Variants in DKK2 observed in about 807,000 individuals in gnomAD.
DKK2 encodes the protein dickkopf Wnt signaling pathway inhibitor 2.
A neutral mutation model predicts 28.1 loss-of-function variants in DKK2; 11 were observed. That is an observed-to-expected ratio of 0.39 (90% CI 0.25 to 0.65). The LOEUF is 0.65. Ranked by LOEUF, DKK2 falls within the 30% of genes least tolerant of loss-of-function variation. The pLI is 0.47. For missense variants in DKK2, 326 were observed against 335.5 expected (o/e 0.97, Z 0.22); for synonymous variants, 135 against 126.5 (o/e 1.07, Z -0.45).
Position 107,035,633 on chromosome 4 carries a change from G to A in DKK2, c.-42C>T, listed in dbSNP as rs927486128. 2 of 1,604,570 alleles carry A rather than the reference G, an allele frequency of 1.2e-6. No individual in the cohort carries two copies. Among genetic ancestry groups the A allele is most frequent in the Non-Finnish European group, 1.7e-6 (2 of 1,175,722 alleles). On this transcript the variant is annotated 5_prime_UTR_variant, in exon 1 of 4. Coordinates refer to ENST00000285311, the MANE Select transcript of DKK2 (RefSeq NM_014421.3). ...CCCCAGGAAGACGCAAAGCCCGGAG[G>A]GGTGGGAATGCAAAGGGAGGGAGGA...
intron 1 of DKK2, among the ~76,000 whole-genome samples, chr4:106,937,305 G>C (rs1724606330): frequency 7.3e-6 from 1 of 136,136 alleles, no homozygotes; most frequent in Non-Finnish European, 1.6e-5. Flanking sequence ...AAAAAAGGCA[G>C]GGGTTGCAAT....
At chr4:107,031,563 A>G (rs948473309) in intron 1 of DKK2, among the ~76,000 whole-genome samples, 2 of 152,040 alleles carry the variant, frequency 1.3e-5, no homozygotes, top group East Asian at 1.9e-4. Flanking sequence ...TCAGAAAATC[A>G]TAGAATCTGA....
chr4:107,030,728 A>G (rs1453205014), intron 1 of DKK2, among the ~76,000 whole-genome samples: 1 of 152,058 alleles, frequency 6.6e-6, no homozygotes, highest in African/African-American at 2.4e-5. Flanking sequence ...TAAATATGTT[A>G]ACTATTATAA....
intron 1 of DKK2, among the ~76,000 whole-genome samples, chr4:106,991,668 A>G (rs1006313822): frequency 2.0e-5 from 3 of 152,130 alleles, no homozygotes; most frequent in Non-Finnish European, 4.4e-5. Context: ...TTTTCGTTTT[A>G]TGCTAACTCA....
intron 1 of DKK2, among the ~76,000 whole-genome samples, chr4:106,965,178 A>G (rs1722753431): frequency 1.3e-5 from 2 of 152,082 alleles, no homozygotes; most frequent in Non-Finnish European, 2.9e-5. Context: ...TGTCTTATAA[A>G]TTTTGTTTCT....
rs375123234 is a variant in DKK2, at chr4:107,021,321, G to A, written c.222+14049C>T. On this transcript the variant is annotated intron_variant, in intron 1 of 3. Transcript: ENST00000285311. ...TGTATGATGTTTTTATGGCCCTAAAGTCATGGCCTAAAATAAACAAACATG... is the reference window on the plus strand; with the variant it reads ...TGTATGATGTTTTTATGGCCCTAAAATCATGGCCTAAAATAAACAAACATG... Among the ~76,000 whole-genome samples, 34 of 152,076 alleles carry A rather than the reference G, an allele frequency of 2.2e-4. No individual in the cohort carries two copies. In the East Asian group the frequency reaches 3.7e-3, roughly 16 times the overall value.
chr4:106,966,001 G>A (rs1722775325), intron 1 of DKK2, among the ~76,000 whole-genome samples: 1 of 151,730 alleles, frequency 6.6e-6, no homozygotes, highest in Non-Finnish European at 1.5e-5. Context: ...ATCATTGTTG[G>A]ACATTTGGGT....
At chr4:106,966,308 T>A (rs1722780489) in intron 1 of DKK2, among the ~76,000 whole-genome samples, 1 of 151,622 alleles carries the variant, frequency 6.6e-6, no homozygotes, top group Non-Finnish European at 1.5e-5. Context: ...ACTCTTTCTC[T>A]GAAGAATAAT....
At chr4:106,942,395 GTTC>G (rs1431904163) in intron 1 of DKK2, among the ~76,000 whole-genome samples, 1 of 152,094 alleles carries the variant, frequency 6.6e-6, no homozygotes, top group Non-Finnish European at 1.5e-5. Context: ...CATCCCACTG[GTTC>G]TTCTAGTCTA....
rs749570842 is a variant in DKK2 at position 107,035,628 on chromosome 4, C to T, written c.-37G>A. On this transcript the variant is annotated 5_prime_UTR_variant, in exon 1 of 4. Transcript: ENST00000285311. ...GGGGTCCCCAGGAAGACGCAAAGCC[C>T]GGAGGGGTGGGAATGCAAAGGGAGG... The T allele has an allele frequency of 2.5e-6, 4 of 1,608,096 alleles. No homozygotes were observed. In the East Asian group the frequency reaches 6.7e-5, roughly 27 times the overall value.
At chr4:107,018,291 G>A (rs562798592) in intron 1 of DKK2, among the ~76,000 whole-genome samples, 4 of 152,132 alleles carry the variant, frequency 2.6e-5, no homozygotes, top group East Asian at 1.9e-4. Context: ...GTGTCAGACC[G>A]GCCCAGCTGT....
intron 1 of DKK2, among the ~76,000 whole-genome samples, chr4:106,933,049 C>T (rs895153205): frequency 1.3e-5 from 2 of 152,084 alleles, no homozygotes; most frequent in Non-Finnish European, 2.9e-5. Context: ...ATAAAAATTC[C>T]ATGGGGTTTC....
intron 1 of DKK2, among the ~76,000 whole-genome samples, chr4:106,938,795 G>C (rs1724642698): frequency 6.6e-6 from 1 of 151,640 alleles, no homozygotes; most frequent in African/African-American, 2.4e-5. Flanking sequence ...TGGGATGCAA[G>C]GCTGGTTCAA....
chr4:107,010,923 A>T (rs961935935), intron 1 of DKK2, among the ~76,000 whole-genome samples: 8 of 151,528 alleles, frequency 5.3e-5, no homozygotes, highest in African/African-American at 1.9e-4. Context: ...TCAAGAATGA[A>T]AGTAGAGCGA....
chr4:106,935,544 C>T (rs989077958), intron 1 of DKK2, among the ~76,000 whole-genome samples: 3 of 152,342 alleles, frequency 2.0e-5, no homozygotes, highest in Admixed American at 6.5e-5. Flanking sequence ...GGGTGAGGGG[C>T]GCCTGCCATT....
Position 106,924,641 on chromosome 4 carries a change from T to C in DKK2, c.433A>G (p.Thr145Ala). The C allele has an allele frequency of 6.2e-7, 1 of 1,613,946 alleles. No individual in the cohort carries two copies. Among genetic ancestry groups the C allele is most frequent in the African/African-American group, 1.3e-5 (1 of 75,048 alleles). The change falls in exon 3 of 4, where the codon ACT (threonine) becomes GCT (alanine). Residue 145 changes from threonine to alanine, a missense_variant. Transcript: ENST00000285311. ...CCGTGGTTTCGATCTCTGTGCCGAG[T>C]ACCATCCAGAGCCGGGATGTGAGGG... ...LTPHIPALDG[T>A]RHRDRNHGHY...
chr4:106,978,544 G>T (rs1722976940), intron 1 of DKK2, among the ~76,000 whole-genome samples: 1 of 152,086 alleles, frequency 6.6e-6, no homozygotes, highest in African/African-American at 2.4e-5. Context: ...GCACTGGAAG[G>T]GGAAAACCAC....
At chr4:106,952,300 A>C (rs1452947977) in intron 1 of DKK2, among the ~76,000 whole-genome samples, 2 of 152,120 alleles carry the variant, frequency 1.3e-5, no homozygotes, top group Non-Finnish European at 2.9e-5. Context: ...GTTTTATTTA[A>C]TGCTGTGATT....
chr4:106,967,825 AAAGG>A (rs1007199807), intron 1 of DKK2, among the ~76,000 whole-genome samples: 6 of 151,432 alleles, frequency 4.0e-5, no homozygotes, highest in Non-Finnish European at 7.4e-5. Context: ...AGAAAGAAAA[AAAGG>A]AAGGAAGGCA....
Sources: gnomAD v4.1 joint callset for allele counts (sites outside exome capture counted in the v4.1 genomes callset) on GRCh38, gnomAD v4.1.1 for gene constraint, MANE v1.5 for transcripts, NCBI Gene and HGNC (gene_info 2026-07-23, HGNC 2026-07-21) for gene names.